Variants in ATAD2 observed in about 807,000 individuals in gnomAD.
ATAD2 encodes ATPase family AAA domain-containing protein 2.
In ATAD2, 62 loss-of-function variants were observed where a neutral mutation model predicts 168.9. The observed-to-expected ratio is 0.37, with a 90% CI of 0.30 to 0.45. ATAD2 has a LOEUF of 0.45. Ranked by LOEUF, ATAD2 falls within the 20% of genes least tolerant of loss-of-function variation. ATAD2 has a pLI of 1.00. For synonymous variants in ATAD2, 613 were observed against 571.6 expected (o/e 1.07, Z -1.03); for missense variants, 1,419 against 1,667.8 (o/e 0.85, Z 2.60).
chr8:123,349,163 A>G (rs1828364601), intron 14 of ATAD2, 122 bp downstream of exon 14: 2 of 961,354 alleles, frequency 2.1e-6, no homozygotes, highest in Non-Finnish European at 3.0e-6. Context: ...TGAGTTGTTT[A>G]CTATCATTTG....
intron 2 of ATAD2, among the ~76,000 whole-genome samples, chr8:123,374,295 C>T (rs1247090973): frequency 6.6e-6 from 1 of 152,156 alleles, no homozygotes; most frequent in Admixed American, 6.6e-5. Context: ...AGTGGCTGCA[C>T]TGAGCCAAGA....
intron 24 of ATAD2, among the ~76,000 whole-genome samples, chr8:123,330,111 C>T (rs1450491016): frequency 2.0e-5 from 3 of 150,980 alleles, no homozygotes; most frequent in Admixed American, 2.0e-4. Flanking sequence ...ACCTCAGTCT[C>T]CCAAGAAGGT....
chr8:123,373,983 A>G (rs1359464732), intron 2 of ATAD2, among the ~76,000 whole-genome samples: 1 of 152,112 alleles, frequency 6.6e-6, no homozygotes, highest in Non-Finnish European at 1.5e-5. Context: ...TCTTTCCCTG[A>G]TGAGTTAACT....
intron 6 of ATAD2, 35 bp from the exon 7 acceptor site, chr8:123,370,059 C>G (rs775336875): frequency 3.5e-5 from 55 of 1,581,370 alleles, no homozygotes; most frequent in Non-Finnish European, 4.4e-5. Flanking sequence ...CAGAAAGATA[C>G]TCAGCAAAAT....
intron 2 of ATAD2, among the ~76,000 whole-genome samples, chr8:123,378,859 A>G (rs183836753): frequency 3.0e-4 from 45 of 151,468 alleles, no homozygotes; most frequent in Middle Eastern, 3.4e-3. Context: ...TGGCATGATT[A>G]TAGCTCACTG....
chr8:123,367,014 T>C (rs1170026127), intron 8 of ATAD2, among the ~76,000 whole-genome samples: 1 of 151,926 alleles, frequency 6.6e-6, no homozygotes, highest in Non-Finnish European at 1.5e-5. Context: ...ATAAAAAACA[T>C]TTAAACACAC....
Position 123,321,013 on chromosome 8 carries a change from T to C in ATAD2, c.*121A>G. ...TATCAGGAAAGTTTAAATACTTTTA[T>C]TTTACTATTTTAATCTTTTCCTTAA... On this transcript the variant is annotated 3_prime_UTR_variant, in exon 28 of 28. Transcript: ENST00000287394. The C allele has an allele frequency of 1.2e-6, 1 of 846,126 alleles. No individual in the cohort carries two copies. Among genetic ancestry groups the C allele is most frequent in the Non-Finnish European group, 1.9e-6 (1 of 532,154 alleles). The allele number at this position is 846,126 out of a possible 1,614,324, so 52.4% of individuals were successfully genotyped here.
In ATAD2 at chr8:123,402,966, G is replaced by C. The variant is rs1357392328; in HGVS notation, c.-2281-1791C>G. On this transcript the variant is annotated intron_variant, in intron 1 of 28. Coordinates refer to the ATAD2 transcript ENST00000521903. This position sits in a 1 kb window ranked among gnomAD's most constrained non-coding sequence, Gnocchi z 4.8. ...AGTCTCCTGGTGATTCTTATCCACA[G>C]AGTGATTTGTGTCGCGCTGTTCTGG... is the stretch of plus-strand genomic sequence containing the variant. Among the ~76,000 whole-genome samples, 1 of 152,186 alleles carries C rather than the reference G, an allele frequency of 6.6e-6. No individual in the cohort carries two copies. The highest frequency in any genetic ancestry group is 1.5e-5 in the Non-Finnish European group (1 of 68,048).
At chr8:123,397,455 G>A (rs930594610), upstream of ATAD2, among the ~76,000 whole-genome samples, 3 of 152,092 alleles carry the variant, frequency 2.0e-5, no homozygotes, top group African/African-American at 7.2e-5. Flanking sequence ...CTCAATAAGC[G>A]TTCGCTATTA....
chr8:123,389,447 G>C (rs945665737), intron 1 of ATAD2, among the ~76,000 whole-genome samples: 1 of 150,772 alleles, frequency 6.6e-6, no homozygotes, highest in African/African-American at 2.4e-5. Flanking sequence ...AGACCATCCT[G>C]GCTATCACGG....
chr8:123,389,609 C>A (rs1303053599), intron 1 of ATAD2, among the ~76,000 whole-genome samples: 2 of 151,432 alleles, frequency 1.3e-5, no homozygotes, highest in Non-Finnish European at 2.9e-5. Context: ...CACTGCACTT[C>A]AGCCTGGGCG....
In ATAD2 at chr8:123,362,598, G is replaced by A. The variant is rs561541350; in HGVS notation, c.1050-952C>T. Among the ~76,000 whole-genome samples the A allele has an allele frequency of 4.6e-4, 68 of 148,396 alleles. No individual in the cohort carries two copies. The East Asian group carries it at 0.012, about 27-fold the overall frequency. On this transcript the variant is annotated intron_variant, in intron 8 of 27. Coordinates refer to ENST00000287394, the MANE Select transcript of ATAD2 (RefSeq NM_014109.4). Reference sequence around the variant, plus strand: ...GCCCAGTTAACTTTTTTTTTTTTTCGATAGAGATGGGGTTTCACCATGTTG... The same window carrying A: ...GCCCAGTTAACTTTTTTTTTTTTTCAATAGAGATGGGGTTTCACCATGTTG...
chr8:123,351,330 G>T (rs142985537), intron 13 of ATAD2, among the ~76,000 whole-genome samples: 79 of 152,178 alleles, frequency 5.2e-4, no homozygotes, highest in African/African-American at 1.8e-3. Flanking sequence ...ATAATTATTT[G>T]TTGTGGAGAG....
At chr8:123,331,092 C>G (rs1486515787) in intron 24 of ATAD2, among the ~76,000 whole-genome samples, 1 of 151,980 alleles carries the variant, frequency 6.6e-6, no homozygotes, top group Non-Finnish European at 1.5e-5. Flanking sequence ...AGGCGTGCAC[C>G]ACCATGCCCA....
chr8:123,396,717 AGC>A, upstream of ATAD2, among the ~76,000 whole-genome samples: 1 of 152,178 alleles, frequency 6.6e-6, no homozygotes, highest in African/African-American at 2.4e-5. Flanking sequence ...AGCGGTGCGT[AGC>A]CCGTTTGGAA....
chr8:123,328,370 G>T lies in ATAD2; in HGVS notation c.3688C>A (p.Gln1230Lys). Residue 1230 changes from glutamine (Q) to lysine (K), a missense_variant, in exon 25 of 28, where the codon CAA becomes AAA. Physicochemically the swap from Gln to Lys is moderately conservative, Grantham distance 53. Around this residue, in one of 5 missense-constraint regions of ATAD2, gnomAD observed 303 missense variants for 304.3 expected, o/e 1.00. Coordinates refer to ENST00000287394, the MANE Select transcript of ATAD2 (RefSeq NM_014109.4). ...ESSVEENEKQ[Q>K]NASESKLELR... Reference sequence around the variant, plus strand: ...TCCAGTTTGCTTTCAGAGGCATTTTGCTGTTTTTCATTTTCTTCCACCGAA... The same window carrying T: ...TCCAGTTTGCTTTCAGAGGCATTTTTCTGTTTTTCATTTTCTTCCACCGAA... 6.2e-7 allele frequency: 1 copy of T among 1,602,132 alleles called. No individual in the cohort carries two copies. Among genetic ancestry groups the T allele is most frequent in the Non-Finnish European group, 8.5e-7 (1 of 1,176,338 alleles).
intron 24 of ATAD2, among the ~76,000 whole-genome samples, chr8:123,330,218 G>A (rs369236625): frequency 5.9e-5 from 9 of 151,848 alleles, no homozygotes; most frequent in East Asian, 5.8e-4. Flanking sequence ...TTAAACTCCT[G>A]GCCTCAAGCA....
chr8:123,364,661 T>C (rs1158824183), intron 8 of ATAD2, among the ~76,000 whole-genome samples: 7 of 151,904 alleles, frequency 4.6e-5, no homozygotes, highest in Admixed American at 3.9e-4. Context: ...ATAAACAGAA[T>C]TAAAAACAAA....
chr8:123,372,730 CT>C (rs769650871), intron 2 of ATAD2, 44 bp from the exon 3 acceptor site: 3 of 1,460,552 alleles, frequency 2.1e-6, no homozygotes, highest in Non-Finnish European at 2.8e-6. Flanking sequence ...ATTGACATAA[CT>C]TTATTTTTAT....
Sources: gnomAD v4.1 joint callset for allele counts (sites outside exome capture counted in the v4.1 genomes callset) on GRCh38, gnomAD v4.1.1 for gene constraint, gnomAD v4.1.1 regional missense constraint, Gnocchi (gnomAD v3.1) non-coding constraint, MANE v1.5 for transcripts, NCBI Gene and HGNC (gene_info 2026-07-23, HGNC 2026-07-21) for gene names.